Variants in LRP1B observed in about 807,000 individuals in gnomAD.
LRP1B encodes the protein LDL receptor related protein 1B, also known as low-density lipoprotein receptor-related protein 1B.
A neutral mutation model predicts 556.6 loss-of-function variants in LRP1B; 217 were observed. The ratio of observed to expected loss-of-function variants is 0.39; its 90% CI spans 0.35 to 0.44. LRP1B has a LOEUF of 0.44. Among genes scored for constraint, LRP1B ranks in the 20% least tolerant of loss-of-function variants. The pLI is 1.00. For missense variants in LRP1B, 5,053 were observed against 5,620.8 expected (o/e 0.90, Z 3.23); for synonymous variants, 2,047 against 1,865.8 (o/e 1.10, Z -2.50).
chr2:141,286,039 C>T (rs866994021), intron 3 of LRP1B, among the ~76,000 whole-genome samples: 5 of 134,574 alleles, frequency 3.7e-5, no homozygotes, highest in Non-Finnish European at 6.2e-5. Context: ...TGCACTCCAG[C>T]CTGGGTGACA....
chr2:140,747,159 C>A (rs1259603111), intron 35 of LRP1B, among the ~76,000 whole-genome samples: 1 of 152,034 alleles, frequency 6.6e-6, no homozygotes, highest in Non-Finnish European at 1.5e-5. Flanking sequence ...CGTGAATCTG[C>A]ATTATAGGCA....
At chr2:141,880,472 C>T (rs192093020) in intron 1 of LRP1B, among the ~76,000 whole-genome samples, 47 of 151,208 alleles carry the variant, frequency 3.1e-4, no homozygotes, top group Non-Finnish European at 4.9e-4. Context: ...TATCATACAA[C>T]GAAAAAGAAA....
intron 1 of LRP1B, among the ~76,000 whole-genome samples, chr2:142,094,933 T>C (rs997123): frequency 0.43 from 65,885 of 151,514 alleles, 16,167 homozygotes; most frequent in East Asian, 0.69. Flanking sequence ...TTCTCTCAGA[T>C]GCCATGTATC....
At chr2:141,929,912 C>A (rs1231789634) in intron 1 of LRP1B, among the ~76,000 whole-genome samples, 2,248 of 103,808 alleles carry the variant, frequency 0.022, no homozygotes, top group African/African-American at 0.027. Context: ...CGGATGGAAA[C>A]AAAAAAAAAA....
At chr2:142,114,062 T>C (rs1279566050) in intron 1 of LRP1B, among the ~76,000 whole-genome samples, 2 of 152,150 alleles carry the variant, frequency 1.3e-5, no homozygotes, top group Admixed American at 6.6e-5. Context: ...TACTTATCTA[T>C]GCACTCCCTT....
At position 141,839,339 on chromosome 2, in the gene LRP1B, C is replaced by T. The variant is rs1036175713; in HGVS notation, c.83-28938G>A. Among the ~76,000 whole-genome samples, 17 of 152,258 alleles carry T rather than the reference C, an allele frequency of 1.1e-4. No homozygotes were observed. In the East Asian group the frequency reaches 3.1e-3, roughly 28 times the overall value. On this transcript the variant is annotated intron_variant, in intron 1 of 90. Transcript: ENST00000389484. ...TATCAAGCCAGAATTACAAGTTTCC[C>T]AACACATGCATCTTACTTTTCATAT... is the stretch of plus-strand genomic sequence containing the variant.
At chr2:140,855,448 C>G (rs1229790389) in intron 27 of LRP1B, among the ~76,000 whole-genome samples, 6 of 139,026 alleles carry the variant, frequency 4.3e-5, no homozygotes, top group Admixed American at 1.6e-4. Flanking sequence ...AGCCCAGTAG[C>G]TAGAGACCAG....
At chr2:141,528,862 G>A (rs991118184) in intron 2 of LRP1B, among the ~76,000 whole-genome samples, 3 of 152,044 alleles carry the variant, frequency 2.0e-5, no homozygotes, top group Non-Finnish European at 4.4e-5. Context: ...CTTAAGTACT[G>A]TTTACCTTTT....
intron 41 of LRP1B, among the ~76,000 whole-genome samples, chr2:140,684,716 G>A (rs1685987888): frequency 6.6e-6 from 1 of 152,140 alleles, no homozygotes; most frequent in Non-Finnish European, 1.5e-5. Flanking sequence ...AGACATTCTT[G>A]TATTTCTAAT....
At chr2:141,172,570 G>A (rs889201768) in intron 7 of LRP1B, among the ~76,000 whole-genome samples, 7 of 151,876 alleles carry the variant, frequency 4.6e-5, no homozygotes, top group Non-Finnish European at 1.0e-4. Flanking sequence ...CAATCCCATA[G>A]ATTACCGAAC....
chr2:141,374,841 A>C (rs1208570235), intron 3 of LRP1B, among the ~76,000 whole-genome samples: 1 of 152,176 alleles, frequency 6.6e-6, no homozygotes, highest in Admixed American at 6.5e-5. Flanking sequence ...AAAGATCAAT[A>C]CTTTGACTTC....
At chr2:141,381,090 G>A (rs1393131967) in intron 3 of LRP1B, among the ~76,000 whole-genome samples, 1 of 152,022 alleles carries the variant, frequency 6.6e-6, no homozygotes, top group African/African-American at 2.4e-5. Context: ...AGCTGACCCT[G>A]ATGAAATGAA....
Position 140,492,419 on chromosome 2 carries a change from T to C in LRP1B, c.9120+189A>G, listed in dbSNP as rs1688740079. ...CAGTGCTTTCGCATATTTCTGTTAC[T>C]ATTACACAGTTTGAGGCAAAGATAA... On this transcript the variant is annotated intron_variant, in intron 57 of 90. Coordinates refer to ENST00000389484, the MANE Select transcript of LRP1B (RefSeq NM_018557.3). 2.0e-5 allele frequency among the ~76,000 whole-genome samples: 3 copies of C among 152,202 alleles called. No individual in the cohort carries two copies. In the South Asian group the frequency reaches 6.2e-4, roughly 31 times the overall value.
intron 2 of LRP1B, among the ~76,000 whole-genome samples, chr2:141,807,361 G>C (rs1696199326): frequency 6.6e-6 from 1 of 151,968 alleles, no homozygotes; most frequent in East Asian, 1.9e-4. Flanking sequence ...TAAATATCTT[G>C]AACAGATTAA....
intron 1 of LRP1B, among the ~76,000 whole-genome samples, chr2:141,923,444 ATATGTGTG>A (rs1185383511): frequency 4.2e-4 from 27 of 64,320 alleles, no homozygotes; most frequent in South Asian, 6.6e-4. Flanking sequence ...GATTATATAT[ATATGTGTG>A]TGTGTGTGTG....
chr2:141,345,655 A>AT (rs1296661625), intron 3 of LRP1B, among the ~76,000 whole-genome samples: 7 of 97,824 alleles, frequency 7.2e-5, no homozygotes, highest in African/African-American at 2.9e-4. Context: ...ATACCTGGCT[A>AT]ATTTTTTTTT....
intron 7 of LRP1B, among the ~76,000 whole-genome samples, chr2:141,115,659 T>TGTGTGTG (rs58590862): frequency 1.0e-4 from 10 of 95,818 alleles, no homozygotes; most frequent in Non-Finnish European, 1.7e-4. Flanking sequence ...GTGTGTGTGT[T>TGTGTGTG]TTTTAGTAGA....
intron 2 of LRP1B, among the ~76,000 whole-genome samples, chr2:141,802,630 A>T (rs1696045269): frequency 6.6e-6 from 1 of 152,254 alleles, no homozygotes; most frequent in Admixed American, 6.5e-5. Flanking sequence ...GGAGAGAGAA[A>T]AAAAGGCATC....
intron 37 of LRP1B, among the ~76,000 whole-genome samples, chr2:140,711,298 A>G (rs534529173): frequency 6.6e-6 from 1 of 152,128 alleles, no homozygotes; most frequent in African/African-American, 2.4e-5. Flanking sequence ...ATGACATAGA[A>G]ACACCCAAGC....
Sources: allele counts gnomAD v4.1 joint callset (sites outside exome capture counted in the v4.1 genomes callset), GRCh38; gene constraint gnomAD v4.1.1; transcripts MANE v1.5; gene names NCBI Gene and HGNC (gene_info 2026-07-23, HGNC 2026-07-21).